Variants in DIS3L2 observed in about 807,000 individuals in gnomAD.
The protein encoded by DIS3L2 is DIS3-like exonuclease 2.
In DIS3L2, 34 loss-of-function variants were observed where a neutral mutation model predicts 97.5. The ratio of observed to expected loss-of-function variants is 0.35; its 90% CI spans 0.27 to 0.46. The LOEUF (loss-of-function observed/expected upper bound fraction) is 0.46. DIS3L2 is among the 20% of genes least tolerant of loss of function. DIS3L2 has a pLI of 1.00. For synonymous variants in DIS3L2, 435 were observed against 445.2 expected, an observed-to-expected ratio of 0.98 and a Z score of 0.29; for missense variants, 1,038 against 1,146.0, an observed-to-expected ratio of 0.91 and a Z score of 1.36.
intron 12 of DIS3L2, among the ~76,000 whole-genome samples, chr2:232,262,886 C>T (rs1416863636): frequency 1.3e-5 from 2 of 152,250 alleles, no homozygotes; most frequent in Middle Eastern, 3.4e-3. Flanking sequence ...CTCTCAGTGT[C>T]GACATTGATG....
At chr2:232,298,998 A>G (rs867751017) in intron 13 of DIS3L2, among the ~76,000 whole-genome samples, 1 of 152,234 alleles carries the variant, frequency 6.6e-6, no homozygotes, top group Non-Finnish European at 1.5e-5. Flanking sequence ...GTCCAAAGTC[A>G]AACCTTTGAC....
chr2:232,048,730 CAA>C (rs773587883), intron 5 of DIS3L2, among the ~76,000 whole-genome samples: 27 of 124,532 alleles, frequency 2.2e-4, no homozygotes, highest in Non-Finnish European at 3.5e-4. Context: ...GACTCCCTCT[CAA>C]AAAAAAAAAA....
At chr2:232,266,798 G>A (rs1693867387) in intron 13 of DIS3L2, among the ~76,000 whole-genome samples, 1 of 152,074 alleles carries the variant, frequency 6.6e-6, no homozygotes, top group Admixed American at 6.6e-5. Flanking sequence ...GCTTTTGGTG[G>A]CAGTCCTTTA....
intron 12 of DIS3L2, among the ~76,000 whole-genome samples, chr2:232,262,594 A>G (rs1314823097): frequency 6.6e-6 from 1 of 152,190 alleles, no homozygotes; most frequent in East Asian, 1.9e-4. Flanking sequence ...ACTGCTGAAC[A>G]TTTTATAATA....
intron 6 of DIS3L2, among the ~76,000 whole-genome samples, chr2:232,091,402 T>TA (rs1383803976): frequency 7.2e-5 from 11 of 152,320 alleles, no homozygotes; most frequent in African/African-American, 2.6e-4. Context: ...AGTGAGAACA[T>TA]ATGAAGTTTG....
intron 6 of DIS3L2, among the ~76,000 whole-genome samples, chr2:232,100,196 T>C (rs918284448): frequency 7.1e-6 from 1 of 141,760 alleles, no homozygotes. Context: ...GCTAATATTT[T>C]TTTTTTTTTT....
chr2:232,041,161 A>G (rs1278436816), intron 5 of DIS3L2, among the ~76,000 whole-genome samples: 1 of 152,148 alleles, frequency 6.6e-6, no homozygotes, highest in Non-Finnish European at 1.5e-5. Context: ...GTTGAGAATG[A>G]GGGAGAACCT....
intron 5 of DIS3L2, among the ~76,000 whole-genome samples, chr2:232,065,049 T>A (rs190174536): frequency 3.3e-4 from 50 of 152,244 alleles, no homozygotes; most frequent in Middle Eastern, 3.4e-3. Context: ...ATCTAATATA[T>A]CTCTGTCTAT....
intron 10 of DIS3L2, among the ~76,000 whole-genome samples, chr2:232,216,769 A>C (rs1232747500): frequency 6.6e-6 from 1 of 152,192 alleles, no homozygotes; most frequent in African/African-American, 2.4e-5. Context: ...TTGAAGAAGA[A>C]GGTGGGAGAT....
rs146342383 is a variant in DIS3L2, at chr2:232,277,919, C to T, written c.1659+14479C>T. Among the ~76,000 whole-genome samples the T allele has an allele frequency of 8.5e-3, 1,292 of 152,246 alleles. 23 individuals carry two copies. Among genetic ancestry groups the T allele is most frequent in the Admixed American group, 0.048 (740 of 15,288 alleles). ...AGTGCTATGTATTTGTACACTTAAA[C>T]GTAGAAAAGCACAATAAAAATATGG... On this transcript the variant is annotated intron_variant, in intron 13 of 20. Transcript: ENST00000325385.
At position 232,336,935 on chromosome 2, in the gene DIS3L2, C is replaced by T. The variant is rs1695977411; in HGVS notation, c.*305C>T. 8.3e-7 allele frequency: 1 copy of T among 1,209,828 alleles called. No individual in the cohort carries two copies. 74.9% of individuals were successfully genotyped at this position (1,209,828 alleles called of 1,614,324 possible). A position where few individuals can be genotyped will look rare whatever the true frequency, so the allele number is the denominator to read the frequency against. On this transcript the variant is annotated 3_prime_UTR_variant, in exon 21 of 21. Transcript: ENST00000325385. Reference sequence around the variant, plus strand: ...CTCTGCCCAGGAAATGGGGGGGTTTCAGCAACTCAGTGTCACAGAATAAAA... The same window carrying T: ...CTCTGCCCAGGAAATGGGGGGGTTTTAGCAACTCAGTGTCACAGAATAAAA...
At chr2:232,041,116 C>T (rs1376187743) in intron 5 of DIS3L2, among the ~76,000 whole-genome samples, 1 of 152,086 alleles carries the variant, frequency 6.6e-6, no homozygotes, top group African/African-American at 2.4e-5. Context: ...TATCTTAGGA[C>T]TGGAGAGGTA....
intron 9 of DIS3L2, among the ~76,000 whole-genome samples, chr2:232,166,251 T>C (rs1690811993): frequency 6.6e-6 from 1 of 151,962 alleles, no homozygotes; most frequent in Non-Finnish European, 1.5e-5. Flanking sequence ...GGAGCAAGAC[T>C]CTGTCTAAGG....
In DIS3L2 at chr2:232,336,469, G is replaced by A. The variant is rs1289971343; in HGVS notation, c.2497G>A (p.Val833Ile). 6.2e-7 allele frequency: 1 copy of A among 1,609,712 alleles called. No individual in the cohort carries two copies. Among genetic ancestry groups the A allele is most frequent in the African/African-American group, 1.3e-5 (1 of 74,824 alleles). ...CCCCTCACGGCTGGGCTCTGCACAG[G>A]TCATCACCATCTTCAGCCTGGTGGA... is the stretch of plus-strand genomic sequence containing the variant. ...EDMEQEPAQQ[V>I]ITIFSLVEVV... is the part of the protein sequence containing the mutation. The change falls in exon 21 of 21, where the codon GTC (valine) becomes ATC (isoleucine). Residue 833 changes from valine (V) to isoleucine (I), a missense_variant and splice_region_variant. Physicochemically the swap from Val to Ile is conservative, Grantham distance 29 (BLOSUM62 3). Transcript: ENST00000325385.
At chr2:232,137,962 C>G (rs1447906378) in intron 8 of DIS3L2, among the ~76,000 whole-genome samples, 2 of 152,178 alleles carry the variant, frequency 1.3e-5, no homozygotes, top group African/African-American at 4.8e-5. Flanking sequence ...GTTGTGCCAC[C>G]TGGTCCTGTT....
At chr2:232,207,621 C>T (rs917711836) in intron 9 of DIS3L2, among the ~76,000 whole-genome samples, 1 of 152,154 alleles carries the variant, frequency 6.6e-6, no homozygotes, top group African/African-American at 2.4e-5. Context: ...GAGAGTGGGT[C>T]TCCTGATTAA....
At chr2:232,338,867 C>T (rs1696047584), downstream of DIS3L2, among the ~76,000 whole-genome samples, 1 of 152,302 alleles carries the variant, frequency 6.6e-6, no homozygotes, top group Admixed American at 6.5e-5. Context: ...GAGGACTTGG[C>T]CATTCCCTGG....
At chr2:232,020,321 C>T (rs956535459) in intron 3 of DIS3L2, among the ~76,000 whole-genome samples, 1 of 152,048 alleles carries the variant, frequency 6.6e-6, no homozygotes, top group African/African-American at 2.4e-5. Flanking sequence ...AGAGGCCACT[C>T]AGGAAGGTAT....
At chr2:232,326,496 A>C (rs1217032336) in intron 14 of DIS3L2, among the ~76,000 whole-genome samples, 1 of 152,014 alleles carries the variant, frequency 6.6e-6, no homozygotes, top group African/African-American at 2.4e-5. Context: ...CCCCACCTTC[A>C]TTCACTCCTA....
Sources: allele counts gnomAD v4.1 joint callset (sites outside exome capture counted in the v4.1 genomes callset), GRCh38; gene constraint gnomAD v4.1.1; transcripts MANE v1.5; gene names NCBI Gene and HGNC (gene_info 2026-07-23, HGNC 2026-07-21).